Variants in TTC17 observed in about 807,000 individuals in gnomAD.
The protein encoded by TTC17 is tetratricopeptide repeat protein 17.
Under a neutral mutation model 143.8 loss-of-function variants are expected in TTC17, and 58 were observed. That is an observed-to-expected ratio of 0.40 (90% CI 0.33 to 0.50). The LOEUF is 0.50. Ranked by LOEUF, TTC17 falls within the 20% of genes least tolerant of loss-of-function variation. The pLI, the probability that TTC17 is intolerant of heterozygous loss-of-function variation, is 0.49. For synonymous variants in TTC17, 501 were observed against 497.8 expected (o/e 1.01, Z -0.09); for missense variants, 1,273 against 1,392.5 (o/e 0.91, Z 1.37).
At chr11:43,406,253 C>T (rs1858127012) in intron 13 of TTC17, among the ~76,000 whole-genome samples, 1 of 152,122 alleles carries the variant, frequency 6.6e-6, no homozygotes, top group African/African-American at 2.4e-5. Context: ...TAATGCAGGC[C>T]ATTGCAACCA....
In TTC17 at chr11:43,374,765, A is replaced by G. The variant is rs1856699810; in HGVS notation, c.160-4468A>G. On this transcript the variant is annotated intron_variant, in intron 1 of 23. Transcript: ENST00000039989. ...TAAAAAGACCAAAAAAAAAAAAAAA[A>G]GGATGTTGGCAGGGCTATAGAGAAA... Among the ~76,000 whole-genome samples the G allele has an allele frequency of 1.3e-5, 2 of 148,594 alleles. 1 individual carries two copies. Among genetic ancestry groups the G allele is most frequent in the South Asian group, 4.2e-4 (2 of 4,762 alleles).
At chr11:43,491,946 T>C in intron 22 of TTC17, 74 bp from the exon 23 acceptor site, 1 of 1,578,136 alleles carries the variant, frequency 6.3e-7, no homozygotes, top group Non-Finnish European at 8.6e-7. Flanking sequence ...ACTGTATTCT[T>C]TATGATCACC....
At chr11:43,491,594 C>T (rs1948475539) in intron 22 of TTC17, 1 of 154,200 alleles carries the variant, frequency 6.5e-6, no homozygotes, top group Admixed American at 6.5e-5. Context: ...GGCCTATGGG[C>T]CAAAGTTTGC....
At chr11:43,421,279 A>G (rs1311892272) in intron 16 of TTC17, among the ~76,000 whole-genome samples, 1 of 152,210 alleles carries the variant, frequency 6.6e-6, no homozygotes, top group Non-Finnish European at 1.5e-5. Context: ...AGAGAATAGC[A>G]TTGCAAATGT....
chr11:43,491,258 A>C (rs1820181273), intron 22 of TTC17: 1 of 152,212 alleles, frequency 6.6e-6, no homozygotes, highest in African/African-American at 2.4e-5. Flanking sequence ...CCAATATGGC[A>C]TGATACAGGT....
intron 1 of TTC17, among the ~76,000 whole-genome samples, chr11:43,371,730 C>T (rs1856575880): frequency 6.6e-6 from 1 of 152,184 alleles, no homozygotes; most frequent in African/African-American, 2.4e-5. Flanking sequence ...CTGCCCTGAT[C>T]CTGAAACTAC....
chr11:43,491,104 TGA>T (rs1476853312), intron 22 of TTC17: 1 of 152,202 alleles, frequency 6.6e-6, no homozygotes, highest in East Asian at 1.9e-4. Flanking sequence ...CAGGCATTGC[TGA>T]GTTTTAAACA....
At chr11:43,455,660 A>G (rs1947748942) in intron 21 of TTC17, among the ~76,000 whole-genome samples, 1 of 152,096 alleles carries the variant, frequency 6.6e-6, no homozygotes, top group Non-Finnish European at 1.5e-5. Context: ...GTAGTTTTCT[A>G]AAAATATTAT....
chr11:43,427,863 A>G (rs2134669945), intron 16 of TTC17, among the ~76,000 whole-genome samples: 1 of 152,246 alleles, frequency 6.6e-6, no homozygotes, highest in Admixed American at 6.5e-5. Context: ...TAGCACATAG[A>G]ATATTCTTTA....
chr11:43,447,055 C>G (rs1221949286), intron 18 of TTC17, among the ~76,000 whole-genome samples: 2 of 152,074 alleles, frequency 1.3e-5, no homozygotes, highest in African/African-American at 4.8e-5. Flanking sequence ...TGCAGTGGCT[C>G]ACATCTGTAA....
intron 21 of TTC17, chr11:43,486,368 T>C (rs1242356682): frequency 2.3e-6 from 1 of 440,324 alleles, no homozygotes; most frequent in Non-Finnish European, 4.6e-6. Flanking sequence ...CATTATCAGA[T>C]TGAAAAAAAA....
At chr11:43,379,345 A>G (rs780622932) in intron 2 of TTC17, 23 bp downstream of exon 2, 6 of 1,579,396 alleles carry the variant, frequency 3.8e-6, no homozygotes, top group Non-Finnish European at 5.2e-6. Flanking sequence ...GGCATGTGAG[A>G]TGCAGCTGAT....
At chr11:43,436,155 G>C (rs1209684258) in intron 16 of TTC17, 1 of 1,377,286 alleles carries the variant, frequency 7.3e-7, no homozygotes, top group Non-Finnish European at 9.4e-7. Context: ...TGTGTCTCTT[G>C]TCATTGAGGT....
At chr11:43,436,378 C>T (rs1415981108) in intron 16 of TTC17, 7 of 1,237,578 alleles carry the variant, frequency 5.7e-6, no homozygotes, top group Non-Finnish European at 6.1e-6. Context: ...GAAAAATCAA[C>T]TCTCAAGCTT....
intron 23 of TTC17, among the ~76,000 whole-genome samples, 174 bp downstream of exon 23, chr11:43,492,337 CATA>C (rs886830734): frequency 6.6e-6 from 1 of 152,176 alleles, no homozygotes; most frequent in African/African-American, 2.4e-5. Flanking sequence ...TTTTTTAAAA[CATA>C]ATACATGAAA....
intron 16 of TTC17, among the ~76,000 whole-genome samples, chr11:43,425,779 C>T (rs1029647575): frequency 2.6e-5 from 4 of 152,140 alleles, no homozygotes; most frequent in Admixed American, 2.6e-4. Context: ...TAATCTGTTA[C>T]TAACCAGCAA....
chr11:43,384,349 T>A (rs1440969063), intron 2 of TTC17, among the ~76,000 whole-genome samples: 2 of 152,224 alleles, frequency 1.3e-5, no homozygotes, highest in Non-Finnish European at 2.9e-5. Flanking sequence ...TTTCTTGTTT[T>A]GGTTTTTTAA....
intron 15 of TTC17, among the ~76,000 whole-genome samples, chr11:43,408,395 A>T (rs1050873350): frequency 1.3e-5 from 2 of 152,210 alleles, no homozygotes; most frequent in Admixed American, 6.5e-5. Context: ...GCAGAAGTTT[A>T]CAATCTCAAT....
intron 22 of TTC17, 97 bp downstream of exon 22, chr11:43,490,455 C>T (rs532164757): frequency 5.5e-6 from 8 of 1,453,512 alleles, no homozygotes; most frequent in Admixed American, 2.1e-5. Flanking sequence ...TCATGCTCAG[C>T]CAGTGAGGAC....
Sources: gnomAD v4.1 joint callset for allele counts (sites outside exome capture counted in the v4.1 genomes callset) on GRCh38, gnomAD v4.1.1 for gene constraint, MANE v1.5 for transcripts, NCBI Gene and HGNC (gene_info 2026-07-23, HGNC 2026-07-21) for gene names.